The following RORA variants were observed in gnomAD, a reference collection of about 807,000 sequenced individuals.
RORA encodes RAR related orphan receptor A.
In RORA, 7 loss-of-function variants were observed where a neutral mutation model predicts 69.5. The ratio of observed to expected loss-of-function variants is 0.10; its 90% CI spans 0.06 to 0.19. The LOEUF (loss-of-function observed/expected upper bound fraction) is 0.19, where lower values mean the gene tolerates loss of function less well. RORA is among the 10% of genes least tolerant of loss of function. The pLI is 1.00. For missense variants in RORA, 457 were observed against 663.0 expected (o/e 0.69, Z 3.41); for synonymous variants, 261 against 240.8 (o/e 1.08, Z -0.78).
intron 1 of RORA, among the ~76,000 whole-genome samples, chr15:60,889,008 T>C (rs1399194349): frequency 1.3e-5 from 2 of 152,222 alleles, no homozygotes; most frequent in Non-Finnish European, 2.9e-5. Flanking sequence ...CAGAAGCTGC[T>C]CACGCTGTTT....
intron 1 of RORA, among the ~76,000 whole-genome samples, chr15:61,159,708 G>A (rs922377359): frequency 6.6e-6 from 1 of 152,166 alleles, no homozygotes; most frequent in Non-Finnish European, 1.5e-5. Context: ...CAATCACACT[G>A]CATTTTGAAT....
intron 2 of RORA, among the ~76,000 whole-genome samples, chr15:60,671,389 T>C (rs2070470343): frequency 6.6e-6 from 1 of 152,094 alleles, no homozygotes; most frequent in African/African-American, 2.4e-5. Flanking sequence ...AATTGTTTTA[T>C]TATGGAATCA....
chr15:60,734,005 A>G (rs1229543393), intron 1 of RORA, among the ~76,000 whole-genome samples: 1 of 152,076 alleles, frequency 6.6e-6, no homozygotes, highest in Non-Finnish European at 1.5e-5. Context: ...AAATGAAAAG[A>G]GGGCAACAGA....
At chr15:60,873,691 T>G (rs2073583707) in intron 1 of RORA, among the ~76,000 whole-genome samples, 1 of 152,230 alleles carries the variant, frequency 6.6e-6, no homozygotes, top group Non-Finnish European at 1.5e-5. Flanking sequence ...GTTTCTAAGT[T>G]TGTTCTGGAA....
At chr15:61,218,558 A>T (rs1023195977) in intron 1 of RORA, among the ~76,000 whole-genome samples, 1 of 152,190 alleles carries the variant, frequency 6.6e-6, no homozygotes, top group African/African-American at 2.4e-5. Context: ...ACTTCAAAAA[A>T]TACAGAAAAG....
At chr15:61,037,244 T>C (rs1347227098) in intron 1 of RORA, among the ~76,000 whole-genome samples, 2 of 152,212 alleles carry the variant, frequency 1.3e-5, no homozygotes, top group African/African-American at 4.8e-5. Context: ...TGAAAAATGT[T>C]AGCCACTATT....
At chr15:60,627,370 T>C in intron 2 of RORA, 1 of 1,614,172 alleles carries the variant, frequency 6.2e-7, no homozygotes, top group Non-Finnish European at 8.5e-7. Context: ...GGCCCCCTCA[T>C]TCATGCCTTT....
chr15:60,658,642 T>C (rs28687615), intron 2 of RORA, among the ~76,000 whole-genome samples: 25,957 of 152,098 alleles, frequency 0.17, 2,424 homozygotes, highest in African/African-American at 0.24. Context: ...CTTGAAAACC[T>C]CTCTTTTAAA....
At chr15:60,563,671 C>G (rs191182549) in intron 2 of RORA, among the ~76,000 whole-genome samples, 8 of 152,282 alleles carry the variant, frequency 5.3e-5, no homozygotes, top group African/African-American at 1.9e-4. Context: ...AACAGCAGCT[C>G]TTATTGTTGT....
intron 1 of RORA, among the ~76,000 whole-genome samples, chr15:60,859,954 C>G (rs1019239507): frequency 2.0e-5 from 3 of 152,094 alleles, no homozygotes; most frequent in African/African-American, 4.8e-5. Flanking sequence ...TCAGTGGCCT[C>G]TTTCCATGCA....
chr15:60,910,361 A>G (rs1363785688), intron 1 of RORA, among the ~76,000 whole-genome samples: 1 of 152,216 alleles, frequency 6.6e-6, no homozygotes, highest in African/African-American at 2.4e-5. Flanking sequence ...GTGAATATTA[A>G]TCCCAGGCAA....
chr15:60,688,831 A>T (rs1401375907), intron 1 of RORA, among the ~76,000 whole-genome samples: 1 of 152,214 alleles, frequency 6.6e-6, no homozygotes, highest in East Asian at 1.9e-4. Flanking sequence ...ACCACCCTTT[A>T]GCTACCACAC....
At chr15:60,944,655 G>A (rs1174831034) in intron 1 of RORA, among the ~76,000 whole-genome samples, 5 of 149,438 alleles carry the variant, frequency 3.3e-5, no homozygotes, top group African/African-American at 1.2e-4. Flanking sequence ...AGCAAAAGGG[G>A]CAGAGGTTGC....
At chr15:60,920,559 C>A (rs1029365562) in intron 1 of RORA, among the ~76,000 whole-genome samples, 4 of 152,164 alleles carry the variant, frequency 2.6e-5, no homozygotes, top group Admixed American at 2.6e-4. Flanking sequence ...CTAGGAACAA[C>A]AGGCTGGGCA....
chr15:60,660,016 A>G (rs988243854), intron 2 of RORA, among the ~76,000 whole-genome samples: 5 of 152,206 alleles, frequency 3.3e-5, no homozygotes, highest in African/African-American at 1.2e-4. Flanking sequence ...TTAAAAAATT[A>G]TTTACTATCA....
intron 2 of RORA, among the ~76,000 whole-genome samples, chr15:60,607,082 G>T (rs960566796): frequency 1.3e-5 from 2 of 152,076 alleles, no homozygotes; most frequent in African/African-American, 4.8e-5. Context: ...GCTCATAGGC[G>T]CAAAGAGAGA....
At chr15:60,992,498 G>T (rs890205999) in intron 1 of RORA, among the ~76,000 whole-genome samples, 1 of 152,188 alleles carries the variant, frequency 6.6e-6, no homozygotes, top group African/African-American at 2.4e-5. Flanking sequence ...ACAAAGAATA[G>T]TCAAGACTAG....
At chr15:61,108,322 T>C (rs368002613) in intron 1 of RORA, among the ~76,000 whole-genome samples, 2 of 152,340 alleles carry the variant, frequency 1.3e-5, no homozygotes, top group East Asian at 3.9e-4. Flanking sequence ...AATGATTTTT[T>C]TTAATATTAG....
At position 60,959,170 on chromosome 15, in the gene RORA, G is replaced by A. The variant is rs532298433; in HGVS notation, c.166+269883C>T. On this transcript the variant is annotated intron_variant, in intron 1 of 10. Transcript: ENST00000335670. ...TAGGTACTTTTGTGTAAGAGGAATA[G>A]AAATTGTTTCTTTTCCTTGCTTTTA... is the stretch of plus-strand genomic sequence containing the variant. 3.3e-5 allele frequency among the ~76,000 whole-genome samples: 5 copies of A among 152,324 alleles called. 1 individual carries two copies. The highest frequency in any genetic ancestry group is 1.2e-4 in the African/African-American group (5 of 41,576).
Sources: allele counts gnomAD v4.1 joint callset (sites outside exome capture counted in the v4.1 genomes callset), GRCh38; gene constraint gnomAD v4.1.1; transcripts MANE v1.5; gene names NCBI Gene and HGNC (gene_info 2026-07-23, HGNC 2026-07-21).